TTN: variants seen among roughly 807,000 people sequenced by gnomAD.
The protein encoded by TTN is connectin.
TTN carries 1,525 observed loss-of-function variants against 3,223.0 expected under a neutral mutation model. That is an observed-to-expected ratio of 0.47 (90% CI 0.45 to 0.49). The LOEUF (loss-of-function observed/expected upper bound fraction) is 0.49, where lower values mean the gene tolerates loss of function less well. Among genes scored for constraint, TTN ranks in the 20% least tolerant of loss-of-function variants. The probability of loss-of-function intolerance (pLI) is 0.00; values close to 1 mark genes in which losing one functional copy is unlikely to be tolerated. For synonymous variants in TTN, 14,094 were observed against 15,161.0 expected (o/e 0.93, Z 5.17); for missense variants, 40,786 against 43,424.0 (o/e 0.94, Z 5.40).
chr2:178,543,285 C>T lies in TTN; in HGVS notation c.96688G>A (p.Gly32230Ser). ...ACATATCCAGTGAGTCGGCTACCAC[C>T]ATCGTAGAGTGGTTTTTCCCAGGCA... ...TLAWEKPLYD[G>S]GSRLTGYVLE... Residue 32230 changes from glycine to serine, a missense_variant, in exon 347 of 363, where the codon GGT becomes AGT. Transcript: ENST00000589042. 1 of 1,613,868 alleles carries T rather than the reference C, an allele frequency of 6.2e-7. No individual in the cohort carries two copies. Among genetic ancestry groups the T allele is most frequent in the East Asian group, 2.2e-5 (1 of 44,868 alleles).
chr2:178,664,416 G>T, intron 168 of TTN, 44 bp downstream of exon 168: 3 of 1,454,160 alleles, frequency 2.1e-6, no homozygotes, highest in South Asian at 1.2e-5. Flanking sequence ...CCTTTCTATC[G>T]CCCCACCCAC....
At chr2:178,613,666 A>G (rs1261407031) in intron 263 of TTN, 85 bp downstream of exon 263, 2 of 1,377,758 alleles carry the variant, frequency 1.5e-6, no homozygotes, top group East Asian at 4.9e-5. Context: ...GTAATATATA[A>G]TCATCTGTAA....
Position 178,614,465 on chromosome 2 carries a change from C to G in TTN, c.49048+1G>C. On this transcript the variant is annotated splice_donor_variant, in intron 261 of 362. Coordinates refer to ENST00000589042, the MANE Select transcript of TTN (RefSeq NM_001267550.2). LOFTEE classifies it high-confidence loss of function. ...CCTTTTAAAATGAGAACCTTCCTTA[C>G]CTAAGACGTTCACTTCCACCACAGC... is the stretch of plus-strand genomic sequence containing the variant. 6.2e-7 allele frequency: 1 copy of G among 1,600,274 alleles called. No homozygotes were observed. Among genetic ancestry groups the G allele is most frequent in the Non-Finnish European group, 8.5e-7 (1 of 1,173,806 alleles).
intron 361 of TTN, 60 bp from the exon 362 acceptor site, chr2:178,527,808 T>C (rs764188865): frequency 5.1e-5 from 74 of 1,457,186 alleles, no homozygotes; most frequent in Non-Finnish European, 6.6e-5. Flanking sequence ...TGATGACATA[T>C]GACGCTGACT....
intron 31 of TTN, 33 bp downstream of exon 31, chr2:178,773,805 G>A (rs757473823): frequency 3.7e-6 from 6 of 1,613,852 alleles, no homozygotes; most frequent in Non-Finnish European, 5.1e-6. Flanking sequence ...TTGCTTAATA[G>A]TGTAAACATA....
At chr2:178,780,680 C>T (rs1230882337) in intron 21 of TTN, among the ~76,000 whole-genome samples, 1 of 152,200 alleles carries the variant, frequency 6.6e-6, no homozygotes, top group African/African-American at 2.4e-5. Context: ...ATCCTGACTT[C>T]CAGGTTTTCT....
At position 178,729,309 on chromosome 2, in the gene TTN, T is replaced by C. The variant is rs779861459; in HGVS notation, c.18847A>G (p.Ser6283Gly). The change falls in exon 64 of 363, where the codon AGT becomes GGT. Residue 6283 changes from serine to glycine, a missense_variant. Ser to Gly is a moderately conservative substitution (Grantham distance 56). Coordinates refer to ENST00000589042, the MANE Select transcript of TTN (RefSeq NM_001267550.2). ...VSNEGGSCSC[S>G]TRVALKEPPS... ...TGACCTTTCAGGGCAACTCTAGTAC[T>C]GCATGAGCAGCTGCCGCCTTCATTG... The C allele has an allele frequency of 7.4e-6, 12 of 1,611,184 alleles. No individual in the cohort carries two copies. In the African/African-American group the frequency reaches 1.3e-4, roughly 18 times the overall value.
intron 114 of TTN, among the ~76,000 whole-genome samples, chr2:178,695,627 A>G (rs1417330838): frequency 3.3e-5 from 5 of 152,068 alleles, no homozygotes; most frequent in African/African-American, 4.8e-5. Flanking sequence ...CTTCTGCATT[A>G]GAAATTAGCA....
At position 178,683,269 on chromosome 2, in the gene TTN, C is replaced by T. The variant is rs1577364044; in HGVS notation, c.32829G>A (p.Val10943=). The T allele has an allele frequency of 6.5e-7, 1 of 1,544,930 alleles. No homozygotes were observed. Among genetic ancestry groups the T allele is most frequent in the Non-Finnish European group, 8.8e-7 (1 of 1,141,518 alleles). ...PAKVTEFRKR[V]VKEEKVSIEA... ...CAATTGATACTTTTTCTTCTTTAAC[C>T]ACTCTTTTTCTGAATTCAGTCACTT... is the stretch of plus-strand genomic sequence containing the variant. The change falls in exon 134 of 363, where the codon GTG becomes GTA. Residue 10943 remains valine, a synonymous_variant. Transcript: ENST00000589042.
At position 178,576,737 on chromosome 2, in the gene TTN, G is replaced by A. The variant is rs763640597; in HGVS notation, c.69507C>T (p.Ser23169=). The A allele has an allele frequency of 1.8e-5, 29 of 1,613,226 alleles. No individual in the cohort carries two copies. Among genetic ancestry groups the A allele is most frequent in the African/African-American group, 4.0e-5 (3 of 74,834 alleles). ...TTTCTACATGATATCCTGTAATTTC[G>A]CTGCCACCATCATCCACTGGCCTTT... is the stretch of plus-strand genomic sequence containing the variant. The part of the protein sequence containing the change: ...SWKRPVDDGG[S]EITGYHVERR... The change falls in exon 325 of 363, where the codon AGC becomes AGT. Residue 23169 remains serine, a synonymous_variant. Coordinates refer to ENST00000589042, the MANE Select transcript of TTN (RefSeq NM_001267550.2). The surrounding 1 kb of genome is among the most constrained non-coding windows in gnomAD (Gnocchi z 4.3).
chr2:178,707,997 A>T (rs1443310555), intron 99 of TTN, among the ~76,000 whole-genome samples, 184 bp from the exon 100 acceptor site: 3 of 152,194 alleles, frequency 2.0e-5, no homozygotes, highest in Non-Finnish European at 4.4e-5. Flanking sequence ...GGATTTTTTA[A>T]AAAGATAAAG....
At position 178,552,434 on chromosome 2, in the gene TTN, T is replaced by C. The variant is rs762340648; in HGVS notation, c.90466A>G (p.Lys30156Glu). ...CTGATGGATGGTTTGGGTTTTCCCTTATAAGGTAATTCAAGGTGCACATTG... is the reference window on the plus strand; with the variant it reads ...CTGATGGATGGTTTGGGTTTTCCCTCATAAGGTAATTCAAGGTGCACATTG... ...GHNVHLELPY[K>E]GKPKPSISWL... Residue 30156 changes from lysine (K) to glutamate (E), a missense_variant, in exon 335 of 363, where the codon AAG becomes GAG. Coordinates refer to ENST00000589042, the MANE Select transcript of TTN (RefSeq NM_001267550.2). 2 of 1,601,730 alleles carry C rather than the reference T, an allele frequency of 1.2e-6. No individual in the cohort carries two copies. Among genetic ancestry groups the C allele is most frequent in the Non-Finnish European group, 1.7e-6 (2 of 1,171,352 alleles).
Position 178,559,634 on chromosome 2 carries a change from G to C in TTN, c.86498C>G (p.Ala28833Gly). Residue 28833 changes from alanine (A) to glycine (G), a missense_variant, in exon 326 of 363, where the codon GCT becomes GGT. Transcript: ENST00000589042. ...YTLTIQNVLS[A>G]ASLTLVVKVL... is the part of the protein sequence containing the mutation. The stretch of plus-strand genomic sequence containing the variant: ...TTTGACAACTAAGGTCAGTGAAGCA[G>C]CACTCAAAACATTCTGAATTGTTAA... 6.2e-7 allele frequency: 1 copy of C among 1,613,792 alleles called. No homozygotes were observed. The highest frequency in any genetic ancestry group is 1.1e-5 in the South Asian group (1 of 91,058).
At position 178,594,234 on chromosome 2, in the gene TTN, T is replaced by C. The variant is rs1173288821; in HGVS notation, c.58159A>G (p.Thr19387Ala). ...TTATCTCTGAAGTCGAGGTGAAGCG[T>C]TGGGGGTGCTAAAATTTGTAATTAT... ...ITCKDELAPP[T>A]LHLDFRDKLT... The change falls in exon 297 of 363, where the codon ACG (threonine) becomes GCG (alanine). Residue 19387 changes from threonine (T) to alanine (A), a missense_variant. Thr to Ala is a moderately conservative substitution (Grantham distance 58, BLOSUM62 0). Transcript: ENST00000589042. The C allele has an allele frequency of 7.5e-6, 12 of 1,605,870 alleles. No homozygotes were observed. The highest frequency in any genetic ancestry group is 2.2e-5 in the East Asian group (1 of 44,644).
Position 178,786,100 on chromosome 2 carries a change from A to C in TTN, c.2118T>G (p.Val706=), listed in dbSNP as rs879052450. The change falls in exon 14 of 363, where the codon GTT becomes GTG. Residue 706 remains valine, a synonymous_variant. Transcript: ENST00000589042. ...TGACTCGGGCCTGGTCTACTGCAGCAACAACTGTTGCTACAGCTTCAGCCT... is the reference window on the plus strand; with the variant it reads ...TGACTCGGGCCTGGTCTACTGCAGCCACAACTGTTGCTACAGCTTCAGCCT... ...GKKAEAVATV[V]AAVDQARVRE... is the part of the protein sequence containing the mutation. 1.9e-6 allele frequency: 3 copies of C among 1,613,874 alleles called. No homozygotes were observed. Among genetic ancestry groups the C allele is most frequent in the Non-Finnish European group, 2.5e-6 (3 of 1,179,996 alleles).
In TTN at chr2:178,560,746, G is replaced by T; in HGVS notation, c.85386C>A (p.Gly28462=). The T allele has an allele frequency of 6.2e-7, 1 of 1,613,738 alleles. No homozygotes were observed. Among genetic ancestry groups the T allele is most frequent in the Non-Finnish European group, 8.5e-7 (1 of 1,179,816 alleles). ...GPPAGPLEIN[G]LTAEKCSLSW... is the part of the protein sequence containing the mutation. ...AAAGAGAGCATTTCTCAGCAGTGAG[G>T]CCATTTATTTCAAGTGGTCCTGCTG... Residue 28462 remains glycine, a synonymous_variant, in exon 326 of 363, where the codon GGC becomes GGA. Coordinates refer to ENST00000589042, the MANE Select transcript of TTN (RefSeq NM_001267550.2).
chr2:178,610,970 G>C, intron 270 of TTN, 23 bp downstream of exon 270: 16 of 1,608,874 alleles, frequency 9.9e-6, no homozygotes, highest in Non-Finnish European at 1.4e-5. Flanking sequence ...AGAATGTCTG[G>C]TTTTTCTTCA....
At chr2:178,773,027 A>C (rs2091762486) in intron 33 of TTN, 82 bp downstream of exon 33, 2 of 1,587,316 alleles carry the variant, frequency 1.3e-6, no homozygotes, top group Non-Finnish European at 1.7e-6. Context: ...GGAAACTGAA[A>C]GGAATTTTGG....
At chr2:178,669,748 G>A in intron 157 of TTN, 73 bp from the exon 158 acceptor site, 1 of 1,479,680 alleles carries the variant, frequency 6.8e-7, no homozygotes, top group Non-Finnish European at 9.4e-7. Context: ...GCCTAGAAGG[G>A]GCATCTAACA....
Sources: gnomAD v4.1 joint callset for allele counts (sites outside exome capture counted in the v4.1 genomes callset) on GRCh38, gnomAD v4.1.1 for gene constraint, Gnocchi (gnomAD v3.1) non-coding constraint, MANE v1.5 for transcripts, NCBI Gene and HGNC (gene_info 2026-07-23, HGNC 2026-07-21) for gene names.